SPIDR: variants seen among roughly 807,000 people sequenced by gnomAD.
The protein encoded by SPIDR is scaffold protein involved in DNA repair.
SPIDR carries 93 observed loss-of-function variants against 104.6 expected under a neutral mutation model. The ratio of observed to expected loss-of-function variants is 0.89; its 90% confidence interval spans 0.75 to 1.06. SPIDR has a LOEUF of 1.06. Among genes scored for constraint, SPIDR ranks in the 50% least tolerant of loss-of-function variants. The probability of loss-of-function intolerance (pLI) is 0.00; values close to 1 mark genes in which losing one functional copy is unlikely to be tolerated. For missense variants in SPIDR, 1,154 were observed against 1,111.2 expected (o/e 1.04, Z -0.55); for synonymous variants, 431 against 416.9 (o/e 1.03, Z -0.41).
At chr8:47,422,545 C>G (rs1240677595) in intron 7 of SPIDR, among the ~76,000 whole-genome samples, 8 of 152,238 alleles carry the variant, frequency 5.3e-5, no homozygotes, top group African/African-American at 1.7e-4. Flanking sequence ...TTCCCTGACC[C>G]CTTGTGCTTC....
chr8:47,369,583 A>C (rs2057717494), intron 5 of SPIDR, among the ~76,000 whole-genome samples: 1 of 152,194 alleles, frequency 6.6e-6, no homozygotes, highest in Non-Finnish European at 1.5e-5. Context: ...TTGCAACACT[A>C]GCCATTTCAT....
At chr8:47,548,204 ATAATT>A (rs1399317290) in intron 8 of SPIDR, among the ~76,000 whole-genome samples, 1 of 152,250 alleles carries the variant, frequency 6.6e-6, no homozygotes, top group Non-Finnish European at 1.5e-5. Flanking sequence ...CTAAAACTCA[ATAATT>A]TATATGATAA....
At chr8:47,540,552 G>A (rs1472733358) in intron 8 of SPIDR, among the ~76,000 whole-genome samples, 2 of 152,166 alleles carry the variant, frequency 1.3e-5, no homozygotes, top group African/African-American at 2.4e-5. Flanking sequence ...CCAAGGCTGG[G>A]CATTGTCTCC....
intron 10 of SPIDR, among the ~76,000 whole-genome samples, chr8:47,664,343 A>C (rs1479510232): frequency 6.6e-6 from 1 of 152,184 alleles, no homozygotes; most frequent in Non-Finnish European, 1.5e-5. Flanking sequence ...GCATTTGGAG[A>C]GGTCCAGATG....
At chr8:47,372,576 A>AGATTGTGCCACTGCACTCCAGCCTGGGT in intron 5 of SPIDR, among the ~76,000 whole-genome samples, 1 of 152,298 alleles carries the variant, frequency 6.6e-6, no homozygotes, top group Middle Eastern at 3.4e-3. Flanking sequence ...CAATGAGCCT[A>AGATTGTGCCACTGCACTCCAGCCTGGGT]GATTGTGCCA....
intron 11 of SPIDR, among the ~76,000 whole-genome samples, chr8:47,675,165 T>C (rs1479187813): frequency 6.6e-6 from 1 of 152,164 alleles, no homozygotes; most frequent in African/African-American, 2.4e-5. Flanking sequence ...GCCTCCCAAG[T>C]AGCTGGAATT....
At chr8:47,641,725 G>A (rs1309014069) in intron 10 of SPIDR, among the ~76,000 whole-genome samples, 1 of 152,144 alleles carries the variant, frequency 6.6e-6, no homozygotes, top group Non-Finnish European at 1.5e-5. Context: ...TGGACCAACT[G>A]AAGCAGGGAA....
At chr8:47,604,846 G>A (rs187107662) in intron 10 of SPIDR, among the ~76,000 whole-genome samples, 4 of 152,344 alleles carry the variant, frequency 2.6e-5, no homozygotes, top group South Asian at 2.1e-4. Flanking sequence ...AAAGCTGGAC[G>A]TACATACCTT....
intron 8 of SPIDR, among the ~76,000 whole-genome samples, chr8:47,586,386 G>C (rs1463002326): frequency 6.6e-6 from 1 of 152,122 alleles, no homozygotes; most frequent in Non-Finnish European, 1.5e-5. Context: ...GAGCAATGTA[G>C]TTTCTCCACA....
intron 5 of SPIDR, chr8:47,294,575 T>G (rs1412236772): frequency 6.5e-6 from 1 of 152,794 alleles, no homozygotes; most frequent in Non-Finnish European, 1.5e-5. Context: ...ACACAGGACT[T>G]AGCATATAGT....
At chr8:47,446,854 G>A (rs1724880730) in intron 8 of SPIDR, among the ~76,000 whole-genome samples, 1 of 152,130 alleles carries the variant, frequency 6.6e-6, no homozygotes, top group Non-Finnish European at 1.5e-5. Flanking sequence ...CAAAGTGCTG[G>A]GATTACAGGT....
At chr8:47,516,719 G>A (rs553507401) in intron 8 of SPIDR, among the ~76,000 whole-genome samples, 1 of 152,150 alleles carries the variant, frequency 6.6e-6, no homozygotes, top group Non-Finnish European at 1.5e-5. Context: ...TGACTACTGT[G>A]TGAATAATGC....
chr8:47,545,070 C>T (rs1405771202), intron 8 of SPIDR, among the ~76,000 whole-genome samples: 1 of 136,892 alleles, frequency 7.3e-6, no homozygotes, highest in Non-Finnish European at 1.6e-5. Flanking sequence ...TTCTTTTTAT[C>T]TTTTCTTTCT....
At chr8:47,690,503 C>T (rs1288368775) in intron 11 of SPIDR, among the ~76,000 whole-genome samples, 1 of 151,034 alleles carries the variant, frequency 6.6e-6, no homozygotes, top group Non-Finnish European at 1.5e-5. Context: ...AATGCCCTGT[C>T]TTTAACAAAA....
chr8:47,605,191 T>G (rs2154428363), intron 10 of SPIDR, among the ~76,000 whole-genome samples: 1 of 152,348 alleles, frequency 6.6e-6, no homozygotes, highest in Admixed American at 6.5e-5. Flanking sequence ...GAGGCTGGGC[T>G]GGTGAAGCCA....
At chr8:47,311,581 G>A (rs1393833860) in intron 5 of SPIDR, among the ~76,000 whole-genome samples, 2 of 152,168 alleles carry the variant, frequency 1.3e-5, no homozygotes, top group Non-Finnish European at 2.9e-5. Context: ...CACTTGGGGA[G>A]GCCAAAGAGG....
intron 11 of SPIDR, among the ~76,000 whole-genome samples, chr8:47,694,136 C>G (rs2079031883): frequency 6.6e-6 from 1 of 152,212 alleles, no homozygotes; most frequent in South Asian, 2.1e-4. Flanking sequence ...TTATAAATAA[C>G]CCACATGCAT....
chr8:47,541,167 A>T lies in SPIDR; in HGVS notation c.1098-54644A>T, dbSNP rs139920469. Reference sequence around the variant, plus strand: ...GAGCCACTGCGCCCAACCAATTAACACTCTTAAAAGAACATACTACCAACC... The same window carrying T: ...GAGCCACTGCGCCCAACCAATTAACTCTCTTAAAAGAACATACTACCAACC... On this transcript the variant is annotated intron_variant, in intron 8 of 19. Coordinates refer to ENST00000297423, the MANE Select transcript of SPIDR (RefSeq NM_001080394.4). Among the ~76,000 whole-genome samples, 3 of 152,166 alleles carry T rather than the reference A, an allele frequency of 2.0e-5. No homozygotes were observed. In the East Asian group the frequency reaches 5.8e-4, roughly 29 times the overall value.
intron 5 of SPIDR, among the ~76,000 whole-genome samples, chr8:47,297,399 G>T (rs948379941): frequency 6.6e-6 from 1 of 151,966 alleles, no homozygotes; most frequent in Non-Finnish European, 1.5e-5. Flanking sequence ...TACATAATGT[G>T]TTGACAGTTT....
Sources: allele counts gnomAD v4.1 joint callset (sites outside exome capture counted in the v4.1 genomes callset), GRCh38; gene constraint gnomAD v4.1.1; transcripts MANE v1.5; gene names NCBI Gene and HGNC (gene_info 2026-07-23, HGNC 2026-07-21).